IL4I1: variants seen among roughly 807,000 people sequenced by gnomAD.
IL4I1 encodes interleukin 4 induced 1.
In IL4I1, 24 loss-of-function variants were observed where a neutral mutation model predicts 29.7. The observed-to-expected ratio is 0.81, with a 90% CI of 0.59 to 1.14. The LOEUF is 1.14. Among genes scored for constraint, IL4I1 ranks in the 50% most tolerant of loss-of-function variants. IL4I1 has a pLI of 0.00. For missense variants in IL4I1, 686 were observed against 785.6 expected (o/e 0.87, Z 1.52); for synonymous variants, 371 against 352.5 (o/e 1.05, Z -0.59).
chr19:49,920,695 A>G (rs1600545265), intron 2 of IL4I1, among the ~76,000 whole-genome samples: 1 of 152,298 alleles, frequency 6.6e-6, no homozygotes, highest in East Asian at 1.9e-4. Flanking sequence ...GTGGCCGGTA[A>G]TGCTGGTTGA....
rs1349791897 is a variant in IL4I1 at position 49,891,554 on chromosome 19, TCTC to T, written c.568-84_568-82del. 8.1e-5 allele frequency: 104 copies of T among 1,277,346 alleles called. No individual in the cohort carries two copies. In the Middle Eastern group the frequency reaches 1.1e-3, roughly 14 times the overall value. 79.1% of individuals were successfully genotyped at this position (1,277,346 alleles called of 1,614,324 possible). ...CCGGGCCTGGAGCCCACACTCGGCTTCTCCTCGTGGTTCTGCCCACGGCTGGCC... is the reference window on the plus strand; with the variant it reads ...CCGGGCCTGGAGCCCACACTCGGCTTCTCGTGGTTCTGCCCACGGCTGGCC... On this transcript the variant is annotated intron_variant, in intron 5 of 7. Coordinates refer to ENST00000391826, the MANE Select transcript of IL4I1 (RefSeq NM_152899.2).
chr19:49,901,039 G>A (rs907903746), upstream of IL4I1, among the ~76,000 whole-genome samples: 2 of 152,152 alleles, frequency 1.3e-5, no homozygotes, highest in Admixed American at 6.5e-5. Flanking sequence ...ACGTATATAC[G>A]CATTCTCTTC....
At chr19:49,897,755 G>A (rs1214932534), upstream of IL4I1, among the ~76,000 whole-genome samples, 2 of 152,166 alleles carry the variant, frequency 1.3e-5, no homozygotes, top group African/African-American at 4.8e-5. Context: ...ACTTTCCTTG[G>A]GGTGGGGGAG....
intron 2 of IL4I1, among the ~76,000 whole-genome samples, chr19:49,919,248 T>G (rs552700164): frequency 6.6e-6 from 1 of 152,336 alleles, no homozygotes; most frequent in South Asian, 2.1e-4. Context: ...CTGTCTTCCC[T>G]GAGTCCCACA....
chr19:49,925,672 G>A (rs532314062), intron 2 of IL4I1, among the ~76,000 whole-genome samples: 1 of 152,260 alleles, frequency 6.6e-6, no homozygotes, highest in African/African-American at 2.4e-5. Context: ...GAAGGCATCC[G>A]GAAGGAGCAG....
chr19:49,900,723 G>A (rs2075263612), upstream of IL4I1, among the ~76,000 whole-genome samples: 1 of 152,192 alleles, frequency 6.6e-6, no homozygotes, highest in East Asian at 1.9e-4. Flanking sequence ...CAGGTGGAGG[G>A]AGCGGAGGGG....
intron 2 of IL4I1, chr19:49,909,502 T>C: frequency 6.2e-7 from 1 of 1,614,138 alleles, no homozygotes; most frequent in South Asian, 1.1e-5. Flanking sequence ...GGGTGGCAGC[T>C]GTGTTGCTCA....
chr19:49,901,960 C>G, intron 3 of IL4I1: 1 of 340,770 alleles, frequency 2.9e-6, no homozygotes, highest in Non-Finnish European at 5.3e-6. Flanking sequence ...CCTCCCCGCC[C>G]TCTCACTGGA....
At chr19:49,907,430 G>A (rs1050670197) in intron 2 of IL4I1, 7 of 413,834 alleles carry the variant, frequency 1.7e-5, no homozygotes, top group East Asian at 7.4e-5. Flanking sequence ...TCTTGATCCC[G>A]CTCTGTTCTA....
intron 5 of IL4I1, among the ~76,000 whole-genome samples, chr19:49,892,274 G>A (rs1420520134): frequency 6.6e-6 from 1 of 151,910 alleles, no homozygotes; most frequent in Non-Finnish European, 1.5e-5. Flanking sequence ...TAGAGACAGG[G>A]TTTCATCATG....
In IL4I1 at chr19:49,896,799, GTC is replaced by G. The variant is rs1350320674; in HGVS notation, c.-23+34_-23+35del. On this transcript the variant is annotated intron_variant, in intron 1 of 7. Transcript: ENST00000391826. ...CTCAGTCCCTATTTCTGTGGGTCCTGTCTCTCTGTCCCCCCACCACTGGCCGT... is the reference window on the plus strand; with the variant it reads ...CTCAGTCCCTATTTCTGTGGGTCCTGTCTCTGTCCCCCCACCACTGGCCGT... 5 of 982,570 alleles carry G rather than the reference GTC, an allele frequency of 5.1e-6. No homozygotes were observed. The African/African-American group carries it at 8.8e-5, about 17-fold the overall frequency. The allele number at this position is 982,570 out of a possible 1,614,324, so 60.9% of individuals were successfully genotyped here.
At chr19:49,913,529 C>T (rs548608172) in intron 2 of IL4I1, among the ~76,000 whole-genome samples, 20 of 152,300 alleles carry the variant, frequency 1.3e-4, no homozygotes, top group South Asian at 8.3e-4. Flanking sequence ...CCCCACAACC[C>T]GGGCCGCCAC....
intron 1 of IL4I1, 103 bp from the exon 2 acceptor site, chr19:49,896,285 C>G: frequency 8.9e-6 from 12 of 1,350,116 alleles, no homozygotes; most frequent in Non-Finnish European, 1.2e-5. Flanking sequence ...CCGGCCCTCC[C>G]CCAGTCACTG....
chr19:49,898,086 C>G (rs560155601), upstream of IL4I1, among the ~76,000 whole-genome samples: 3 of 152,024 alleles, frequency 2.0e-5, no homozygotes, highest in Admixed American at 2.0e-4. Flanking sequence ...TTTGGGAGGT[C>G]GAGGCAGGCG....
upstream of IL4I1, among the ~76,000 whole-genome samples, chr19:49,901,456 G>A (rs539850085): frequency 2.6e-5 from 4 of 152,304 alleles, no homozygotes; most frequent in East Asian, 7.7e-4. Flanking sequence ...CCCAGGGGAT[G>A]ACCTGGGACC....
upstream of IL4I1, among the ~76,000 whole-genome samples, chr19:49,901,324 C>T (rs146135102): frequency 1.6e-4 from 24 of 152,312 alleles, no homozygotes; most frequent in East Asian, 1.9e-3. Context: ...GCAGAGGTTG[C>T]GGTGAGCCGA....
At chr19:49,890,929 G>GCCCCCACCC in intron 7 of IL4I1, 42 bp downstream of exon 7, 1 of 454,452 alleles carries the variant, frequency 2.2e-6, no homozygotes. Context: ...TTCCCTGATT[G>GCCCCCACCC]CCCCCCGCCC....
intron 2 of IL4I1, among the ~76,000 whole-genome samples, chr19:49,912,329 C>T (rs749652096): frequency 4.6e-5 from 7 of 152,074 alleles, no homozygotes; most frequent in South Asian, 2.1e-4. Context: ...CCACCACGCC[C>T]GGCTAATTTT....
At chr19:49,890,943 C>CA (rs765514611) in intron 7 of IL4I1, 28 bp downstream of exon 7, 1 of 591,230 alleles carries the variant, frequency 1.7e-6, no homozygotes, top group South Asian at 3.0e-5. Context: ...CCCGCCCCCC[C>CA]CCCCTGCCCG....
Sources: allele counts gnomAD v4.1 joint callset (sites outside exome capture counted in the v4.1 genomes callset), GRCh38; gene constraint gnomAD v4.1.1; transcripts MANE v1.5; gene names NCBI Gene and HGNC (gene_info 2026-07-23, HGNC 2026-07-21).